Variants in GRIK1 observed in about 807,000 individuals in gnomAD.
The protein encoded by GRIK1 is glutamate receptor ionotropic, kainate 1.
A neutral mutation model predicts 105.7 loss-of-function variants in GRIK1; 69 were observed. The observed-to-expected ratio is 0.65, with a 90% CI of 0.54 to 0.80. The LOEUF is 0.80. GRIK1 is among the 30% of genes least tolerant of loss of function. The pLI is 0.00. For missense variants in GRIK1, 1,109 were observed against 1,167.3 expected (o/e 0.95, Z 0.73); for synonymous variants, 438 against 431.3 (o/e 1.02, Z -0.19).
intron 5 of GRIK1, among the ~76,000 whole-genome samples, chr21:29,652,886 A>G (rs1466293462): frequency 6.6e-6 from 1 of 152,180 alleles, no homozygotes; most frequent in Non-Finnish European, 1.5e-5. Context: ...ATGCATACAA[A>G]TTTATTCTTT....
Position 29,893,628 on chromosome 21 carries a change from T to A in GRIK1, c.118+45755A>T, listed in dbSNP as rs150389816. ...GATAAATGCTCACTATATGTAGGGC[T>A]GTTATTGTCATTACTCTCATTGCTT... On this transcript the variant is annotated intron_variant, in intron 1 of 17. Coordinates refer to ENST00000327783, the MANE Select transcript of GRIK1 (RefSeq NM_001330994.2). Among the ~76,000 whole-genome samples, 56 of 152,364 alleles carry A rather than the reference T, an allele frequency of 3.7e-4. No individual in the cohort carries two copies. In the East Asian group the frequency reaches 0.011, roughly 29 times the overall value.
At position 29,914,774 on chromosome 21, in the gene GRIK1, C is replaced by T. The variant is rs201420984; in HGVS notation, c.118+24609G>A. On this transcript the variant is annotated intron_variant, in intron 1 of 17. Coordinates refer to ENST00000327783, the MANE Select transcript of GRIK1 (RefSeq NM_001330994.2). Reference sequence around the variant, plus strand: ...ACATCTGCTTGGATCCTTAAGTCCCCATTGTAGGAAACCCTGTAAATTTGT... The same window carrying T: ...ACATCTGCTTGGATCCTTAAGTCCCTATTGTAGGAAACCCTGTAAATTTGT... Among the ~76,000 whole-genome samples, 3 of 152,072 alleles carry T rather than the reference C, an allele frequency of 2.0e-5. No homozygotes were observed. In the East Asian group the frequency reaches 5.8e-4, roughly 29 times the overall value.
chr21:29,762,062 G>A (rs899275552), intron 1 of GRIK1, among the ~76,000 whole-genome samples: 11 of 152,138 alleles, frequency 7.2e-5, no homozygotes, highest in African/African-American at 1.4e-4. Context: ...CGTTTCTATC[G>A]CACAAAATAA....
intron 1 of GRIK1, among the ~76,000 whole-genome samples, chr21:29,704,974 A>G (rs2063876729): frequency 6.6e-6 from 1 of 152,202 alleles, no homozygotes; most frequent in Admixed American, 6.5e-5. Context: ...TTTAGCTTTT[A>G]ACATCTCATT....
At chr21:29,931,168 C>T (rs2071551496) in intron 1 of GRIK1, among the ~76,000 whole-genome samples, 1 of 152,148 alleles carries the variant, frequency 6.6e-6, no homozygotes. Flanking sequence ...AGTCTTTATT[C>T]AGAGTCCTTG....
At chr21:29,604,741 C>T (rs924083619) in intron 7 of GRIK1, among the ~76,000 whole-genome samples, 2 of 152,168 alleles carry the variant, frequency 1.3e-5, no homozygotes, top group Non-Finnish European at 2.9e-5. Context: ...TGCATCAGAT[C>T]TTCATGTCTA....
chr21:29,919,900 T>C (rs190307286), intron 1 of GRIK1, among the ~76,000 whole-genome samples: 5 of 152,260 alleles, frequency 3.3e-5, no homozygotes, highest in African/African-American at 1.2e-4. Context: ...ATTTCTTTTA[T>C]TTGTAAATAA....
intron 6 of GRIK1, among the ~76,000 whole-genome samples, chr21:29,647,779 T>C (rs1395394572): frequency 2.0e-5 from 3 of 152,312 alleles, no homozygotes; most frequent in East Asian, 1.9e-4. Context: ...TTTATAAAAA[T>C]CACTCCAAAC....
chr21:29,655,784 C>G (rs2062836440), intron 4 of GRIK1, among the ~76,000 whole-genome samples: 1 of 152,168 alleles, frequency 6.6e-6, no homozygotes. Context: ...CAAATAACTA[C>G]TTGGGATCGT....
rs565436735 is a variant in GRIK1 at position 29,842,730 on chromosome 21, A to T, written c.118+96653T>A. ...CAAGTCGACATTAACTTTTTATGTC[A>T]TTATTTTATCAAAAACTTTAGCTTT... On this transcript the variant is annotated intron_variant, in intron 1 of 17. Transcript: ENST00000327783. 2.0e-4 allele frequency among the ~76,000 whole-genome samples: 30 copies of T among 152,310 alleles called. 1 individual carries two copies. In the South Asian group the frequency reaches 6.2e-3, roughly 32 times the overall value.
At chr21:29,541,731 T>A (rs2089976068) in intron 16 of GRIK1, among the ~76,000 whole-genome samples, 1 of 151,976 alleles carries the variant, frequency 6.6e-6, no homozygotes, top group Non-Finnish European at 1.5e-5. Flanking sequence ...AAAACATAAA[T>A]TTTCAATGCC....
chr21:29,905,189 C>T (rs962613340), intron 1 of GRIK1, among the ~76,000 whole-genome samples: 2 of 152,080 alleles, frequency 1.3e-5, no homozygotes, highest in African/African-American at 2.4e-5. Flanking sequence ...CAAATTTTGG[C>T]TCCTTCCTTA....
chr21:29,824,733 G>A (rs1190860037), intron 1 of GRIK1, among the ~76,000 whole-genome samples: 1 of 152,016 alleles, frequency 6.6e-6, no homozygotes, highest in East Asian at 1.9e-4. Flanking sequence ...AGATGGTTCA[G>A]GGACTGCTAG....
At chr21:29,600,623 A>G (rs533948565) in intron 7 of GRIK1, among the ~76,000 whole-genome samples, 1 of 152,236 alleles carries the variant, frequency 6.6e-6, no homozygotes, top group African/African-American at 2.4e-5. Context: ...CCACGTATAT[A>G]TGTTGAATGT....
intron 1 of GRIK1, among the ~76,000 whole-genome samples, chr21:29,713,833 T>G (rs918743260): frequency 6.6e-6 from 1 of 152,188 alleles, no homozygotes; most frequent in East Asian, 1.9e-4. Flanking sequence ...CTCTGCCATT[T>G]GTTTTTTTTT....
intron 1 of GRIK1, among the ~76,000 whole-genome samples, chr21:29,814,021 T>A (rs1400292947): frequency 1.3e-5 from 2 of 149,432 alleles, no homozygotes; most frequent in Non-Finnish European, 3.0e-5. Flanking sequence ...TTCAAGTGAT[T>A]CTCCTGCCTC....
intron 7 of GRIK1, among the ~76,000 whole-genome samples, chr21:29,621,110 T>A (rs1247133379): frequency 1.3e-5 from 2 of 152,070 alleles, no homozygotes; most frequent in Admixed American, 6.6e-5. Context: ...TAGCCAACAA[T>A]GTGCCTTCCT....
At position 29,791,202 on chromosome 21, in the gene GRIK1, T is replaced by C. The variant is rs567008464; in HGVS notation, c.119-97139A>G. Among the ~76,000 whole-genome samples, 161 of 152,110 alleles carry C rather than the reference T, an allele frequency of 1.1e-3. 1 individual carries two copies. The highest frequency in any genetic ancestry group is 3.7e-3 in the African/African-American group (153 of 41,500). Reference sequence around the variant, plus strand: ...GCCCATGGGACTTCGCAAGATGTGGTAAGGGACGAGAAATTTATCCTCAGT... The same window carrying C: ...GCCCATGGGACTTCGCAAGATGTGGCAAGGGACGAGAAATTTATCCTCAGT... On this transcript the variant is annotated intron_variant, in intron 1 of 17. Coordinates refer to ENST00000327783, the MANE Select transcript of GRIK1 (RefSeq NM_001330994.2).
chr21:29,558,730 T>C (rs1450769834), intron 15 of GRIK1, among the ~76,000 whole-genome samples: 1 of 150,524 alleles, frequency 6.6e-6, no homozygotes, highest in Non-Finnish European at 1.5e-5. Flanking sequence ...TTTTTTTGTA[T>C]TATATGTATA....
Sources: gnomAD v4.1 joint callset for allele counts (sites outside exome capture counted in the v4.1 genomes callset) on GRCh38, gnomAD v4.1.1 for gene constraint, MANE v1.5 for transcripts, NCBI Gene and HGNC (gene_info 2026-07-23, HGNC 2026-07-21) for gene names.